The following TNNI3K variants were observed in gnomAD, a reference collection of about 807,000 sequenced individuals.
TNNI3K encodes serine/threonine-protein kinase TNNI3K.
In TNNI3K, 140 loss-of-function variants were observed where a neutral mutation model predicts 114.5. That is an observed-to-expected ratio of 1.22 (90% CI 1.07 to 1.41). The LOEUF is 1.41. TNNI3K is among the 40% of genes most tolerant of loss of function. TNNI3K has a pLI of 0.00. For missense variants in TNNI3K, 1,125 were observed against 1,007.6 expected (o/e 1.12, Z -1.58); for synonymous variants, 347 against 347.5 (o/e 1.00, Z 0.02).
chr1:74,295,157 A>G (rs1657903453), intron 5 of TNNI3K, among the ~76,000 whole-genome samples: 5 of 109,260 alleles, frequency 4.6e-5, no homozygotes, highest in Admixed American at 3.4e-4. Flanking sequence ...AAATTTTCAA[A>G]CATTTTGACA....
At chr1:74,254,936 T>C (rs1256525605) in intron 4 of TNNI3K, among the ~76,000 whole-genome samples, 1 of 152,144 alleles carries the variant, frequency 6.6e-6, no homozygotes, top group Non-Finnish European at 1.5e-5. Flanking sequence ...ATATTAATTT[T>C]CTTAATTGCT....
intron 2 of TNNI3K, among the ~76,000 whole-genome samples, chr1:74,242,362 C>T (rs563309175): frequency 1.3e-5 from 2 of 152,090 alleles, no homozygotes; most frequent in Non-Finnish European, 1.5e-5. Context: ...CTGAGATACA[C>T]CTTTTTGTAC....
Position 74,489,263 on chromosome 1 carries a change from T to A in TNNI3K, c.2181+15T>A. 6.2e-7 allele frequency: 1 copy of A among 1,604,532 alleles called. No individual in the cohort carries two copies. Among genetic ancestry groups the A allele is most frequent in the Non-Finnish European group, 8.5e-7 (1 of 1,176,694 alleles). The stretch of plus-strand genomic sequence containing the variant: ...GCAACATTGAGGTAAAAGCTTTAGC[T>A]TCTGAAATATGTCCATAAAAAAGCC... On this transcript the variant is annotated intron_variant, in intron 22 of 24. Transcript: ENST00000326637.
At chr1:74,303,645 A>G (rs1570441407) in intron 5 of TNNI3K, among the ~76,000 whole-genome samples, 1 of 152,222 alleles carries the variant, frequency 6.6e-6, no homozygotes, top group African/African-American at 2.4e-5. Context: ...TCTGTAGCCC[A>G]TGGACCAAGG....
chr1:74,276,586 AT>A (rs1005167041), intron 5 of TNNI3K, among the ~76,000 whole-genome samples: 37 of 152,136 alleles, frequency 2.4e-4, no homozygotes, highest in African/African-American at 8.2e-4. Flanking sequence ...TTCCACTCCT[AT>A]TTTTTATTAT....
At chr1:74,440,933 T>C (rs568062087) in intron 20 of TNNI3K, among the ~76,000 whole-genome samples, 1 of 152,244 alleles carries the variant, frequency 6.6e-6, no homozygotes, top group East Asian at 1.9e-4. Context: ...CAACTCCTTT[T>C]GCTTCATCCC....
chr1:74,485,968 C>T (rs1004221914), intron 21 of TNNI3K, among the ~76,000 whole-genome samples: 3 of 152,154 alleles, frequency 2.0e-5, no homozygotes, highest in African/African-American at 7.2e-5. Context: ...CCTAGTGAAA[C>T]TCTGAGCAAA....
At chr1:74,435,241 A>C (rs933119336) in intron 17 of TNNI3K, among the ~76,000 whole-genome samples, 3 of 152,046 alleles carry the variant, frequency 2.0e-5, no homozygotes, top group African/African-American at 7.2e-5. Context: ...TCTTTGGACT[A>C]TCTCAGCTTT....
At chr1:74,443,181 T>C (rs536687366) in intron 20 of TNNI3K, among the ~76,000 whole-genome samples, 8 of 151,648 alleles carry the variant, frequency 5.3e-5, no homozygotes, top group Non-Finnish European at 8.8e-5. Context: ...CTGAAGGATA[T>C]AGAGACACAA....
chr1:74,382,453 G>T (rs1380086575), intron 17 of TNNI3K, among the ~76,000 whole-genome samples: 1 of 152,174 alleles, frequency 6.6e-6, no homozygotes, highest in Non-Finnish European at 1.5e-5. Flanking sequence ...CTTGGACTAA[G>T]ATTCATTTTG....
rs1662894718 is a variant in TNNI3K, at chr1:74,376,184, ATAT to A, written c.1772+5797_1772+5799del. 2.6e-5 allele frequency among the ~76,000 whole-genome samples: 4 copies of A among 152,040 alleles called. No individual in the cohort carries two copies. The South Asian group carries it at 8.3e-4, about 31-fold the overall frequency. Reference sequence around the variant, plus strand: ...AGATTTTAGGAACTGCCAAAGAAAAATATTATTGATAGAAAATTATAATAGTTG... The same window carrying A: ...AGATTTTAGGAACTGCCAAAGAAAAATATTGATAGAAAATTATAATAGTTG... On this transcript the variant is annotated intron_variant, in intron 17 of 24. Coordinates refer to ENST00000326637, the MANE Select transcript of TNNI3K (RefSeq NM_015978.3).
chr1:74,289,486 GT>G (rs147249962), intron 5 of TNNI3K, among the ~76,000 whole-genome samples: 2 of 2,686 alleles, frequency 7.4e-4, no homozygotes, highest in Admixed American at 5.0e-3. Flanking sequence ...CATAGGTAGT[GT>G]CATTAGTCTT....
chr1:74,482,089 G>A (rs1224184800), intron 21 of TNNI3K, among the ~76,000 whole-genome samples: 2 of 152,112 alleles, frequency 1.3e-5, no homozygotes, highest in African/African-American at 4.8e-5. Context: ...TATTAATTCT[G>A]GCCAGTTCGG....
intron 17 of TNNI3K, among the ~76,000 whole-genome samples, chr1:74,430,115 G>C (rs2100652080): frequency 6.6e-6 from 1 of 152,188 alleles, no homozygotes; most frequent in South Asian, 2.1e-4. Flanking sequence ...AAGTCACCTT[G>C]ATCCTTCTAA....
intron 11 of TNNI3K, among the ~76,000 whole-genome samples, chr1:74,355,908 A>G (rs970192119): frequency 1.3e-5 from 2 of 152,162 alleles, no homozygotes; most frequent in Non-Finnish European, 2.9e-5. Context: ...TTGTATAAAT[A>G]CAAACATATA....
intron 17 of TNNI3K, among the ~76,000 whole-genome samples, chr1:74,426,105 C>T (rs893497031): frequency 2.0e-5 from 3 of 152,126 alleles, no homozygotes; most frequent in Non-Finnish European, 4.4e-5. Flanking sequence ...TTTGCAGAGA[C>T]ATGGGCATTT....
At chr1:74,507,504 A>G (rs574057179) in intron 23 of TNNI3K, among the ~76,000 whole-genome samples, 1 of 152,134 alleles carries the variant, frequency 6.6e-6, no homozygotes, top group Non-Finnish European at 1.5e-5. Context: ...TCATTTTTGC[A>G]TTGTTCATAT....
chr1:74,480,954 T>C (rs1308811814), intron 21 of TNNI3K: 1 of 714,476 alleles, frequency 1.4e-6, no homozygotes, highest in Non-Finnish European at 2.6e-6. Flanking sequence ...AAAACCCTCG[T>C]GGTCATAGGG....
chr1:74,312,363 G>T (rs542924076), intron 5 of TNNI3K, among the ~76,000 whole-genome samples: 1 of 152,270 alleles, frequency 6.6e-6, no homozygotes, highest in Non-Finnish European at 1.5e-5. Context: ...TGGCTGGTTT[G>T]GGTCCAGGGC....
Sources: gnomAD v4.1 joint callset for allele counts (sites outside exome capture counted in the v4.1 genomes callset) on GRCh38, gnomAD v4.1.1 for gene constraint, MANE v1.5 for transcripts, NCBI Gene and HGNC (gene_info 2026-07-23, HGNC 2026-07-21) for gene names.